The following RALYL variants were observed in gnomAD, a reference collection of about 807,000 sequenced individuals.
RALYL encodes RNA-binding Raly-like protein.
In RALYL, 29 loss-of-function variants were observed where a neutral mutation model predicts 35.1. The ratio of observed to expected loss-of-function variants is 0.83; its 90% CI spans 0.61 to 1.13. RALYL has a LOEUF of 1.13. RALYL is among the 50% of genes most tolerant of loss of function. The pLI, the probability that RALYL is intolerant of heterozygous loss-of-function variation, is 0.00. For synonymous variants in RALYL, 120 were observed against 127.6 expected (o/e 0.94, Z 0.40); for missense variants, 359 against 360.4 (o/e 1.00, Z 0.03).
At chr8:84,520,704 C>A (rs2058392067) in intron 1 of RALYL, among the ~76,000 whole-genome samples, 1 of 152,132 alleles carries the variant, frequency 6.6e-6, no homozygotes. Context: ...AGTGTGAACC[C>A]TATTGTGAAC....
chr8:84,567,870 T>A (rs961571389), intron 2 of RALYL, among the ~76,000 whole-genome samples: 4 of 151,574 alleles, frequency 2.6e-5, no homozygotes, highest in Non-Finnish European at 5.9e-5. Flanking sequence ...CCAACATCTG[T>A]TATTTGTTGA....
At chr8:84,879,879 A>G (rs1375377306) in intron 7 of RALYL, among the ~76,000 whole-genome samples, 2 of 152,054 alleles carry the variant, frequency 1.3e-5, no homozygotes, top group African/African-American at 4.8e-5. Flanking sequence ...TGCCCTGGAC[A>G]CTTACTAAAA....
At chr8:84,823,988 A>G (rs1011892669) in intron 4 of RALYL, among the ~76,000 whole-genome samples, 4 of 152,156 alleles carry the variant, frequency 2.6e-5, no homozygotes, top group African/African-American at 7.2e-5. Flanking sequence ...CTCCCATTCA[A>G]CAAGGTACTA....
intron 2 of RALYL, among the ~76,000 whole-genome samples, chr8:84,693,016 C>G (rs1838375849): frequency 6.6e-6 from 1 of 152,020 alleles, no homozygotes; most frequent in Admixed American, 6.6e-5. Flanking sequence ...AGCCCAACCA[C>G]ACCTTATTTT....
intron 2 of RALYL, among the ~76,000 whole-genome samples, chr8:84,642,251 A>T (rs1460264594): frequency 6.6e-6 from 1 of 152,074 alleles, no homozygotes; most frequent in Admixed American, 6.6e-5. Context: ...TTCTGACAAA[A>T]TTGGAACCTC....
intron 1 of RALYL, among the ~76,000 whole-genome samples, chr8:84,427,423 C>T (rs956873803): frequency 3.9e-5 from 6 of 152,118 alleles, no homozygotes; most frequent in African/African-American, 1.2e-4. Context: ...AGATTGTAAG[C>T]TTGTTCTATT....
chr8:84,900,640 C>T (rs1845522732), intron 8 of RALYL, among the ~76,000 whole-genome samples: 1 of 151,922 alleles, frequency 6.6e-6, no homozygotes, highest in South Asian at 2.1e-4. Context: ...GATTGCACCA[C>T]TGTACTCCAG....
Position 84,278,599 on chromosome 8 carries a change from A to G in RALYL, c.-24+94175A>G, listed in dbSNP as rs1195814170. ...CTTTCTCTTGAAGGCTTTGCCATGT[A>G]GAAATTTCTTCTACCAGATACCCTA... On this transcript the variant is annotated intron_variant, in intron 1 of 8. Coordinates refer to ENST00000521268, the MANE Select transcript of RALYL (RefSeq NM_173848.7). Among the ~76,000 whole-genome samples, 8 of 152,178 alleles carry G rather than the reference A, an allele frequency of 5.3e-5. No individual in the cohort carries two copies. The East Asian group carries it at 1.5e-3, about 29-fold the overall frequency.
At chr8:84,552,938 T>C (rs1262674037) in intron 2 of RALYL, among the ~76,000 whole-genome samples, 2 of 151,948 alleles carry the variant, frequency 1.3e-5, no homozygotes, top group African/African-American at 4.8e-5. Context: ...TTAAAGATCC[T>C]GAGGTAGGGG....
At chr8:84,454,948 G>A (rs2049963125) in intron 1 of RALYL, among the ~76,000 whole-genome samples, 1 of 152,080 alleles carries the variant, frequency 6.6e-6, no homozygotes, top group South Asian at 2.1e-4. Flanking sequence ...TCTTCACACT[G>A]CAGAAAGACT....
chr8:84,298,096 T>A (rs1194628628), intron 1 of RALYL, among the ~76,000 whole-genome samples: 1 of 152,138 alleles, frequency 6.6e-6, no homozygotes, highest in East Asian at 1.9e-4. Flanking sequence ...ATCTTCATCA[T>A]GAAATCTTTG....
intron 1 of RALYL, among the ~76,000 whole-genome samples, chr8:84,231,449 A>G (rs1253195801): frequency 7.2e-5 from 11 of 152,196 alleles, no homozygotes; most frequent in Non-Finnish European, 4.4e-5. Context: ...TGATGACCTT[A>G]TAGTACTGAA....
intron 2 of RALYL, among the ~76,000 whole-genome samples, chr8:84,556,094 T>C (rs2061097179): frequency 6.6e-6 from 1 of 152,168 alleles, no homozygotes; most frequent in Non-Finnish European, 1.5e-5. Flanking sequence ...GTGTGACAAA[T>C]GATAAAACAA....
intron 1 of RALYL, chr8:84,185,109 G>A (rs1812169761): frequency 2.4e-6 from 3 of 1,273,478 alleles, no homozygotes; most frequent in Non-Finnish European, 3.4e-6. Flanking sequence ...GTGTTGCGTT[G>A]GTTTTAAGTG....
intron 2 of RALYL, among the ~76,000 whole-genome samples, chr8:84,762,900 A>G (rs1813035078): frequency 6.6e-6 from 1 of 152,144 alleles, no homozygotes. Flanking sequence ...CATTTTTCAA[A>G]TGTCTTTCCT....
intron 2 of RALYL, among the ~76,000 whole-genome samples, chr8:84,572,409 G>C (rs937487363): frequency 2.0e-5 from 3 of 151,490 alleles, no homozygotes; most frequent in Non-Finnish European, 4.4e-5. Context: ...GTGCTTACCT[G>C]TCCTTTTATG....
In RALYL at chr8:84,887,605, A is replaced by G. The variant is rs1008299146; in HGVS notation, c.687A>G (p.Glu229=). Residue 229 remains glutamate (E), a splice_region_variant and synonymous_variant, in exon 8 of 9, where the codon GAA becomes GAG. Coordinates refer to ENST00000521268, the MANE Select transcript of RALYL (RefSeq NM_173848.7). ...TCATTTGCTTTCTCCCCCCCCCAGA[A>G]GCTCAGAAGAAGCAATTGGAAGAGA... is the stretch of plus-strand genomic sequence containing the variant. The part of the protein sequence containing the change: ...KIEKQQKAEA[E]AQKKQLEESL... The G allele has an allele frequency of 2.5e-6, 4 of 1,596,096 alleles. No individual in the cohort carries two copies. The African/African-American group carries it at 5.4e-5, about 21-fold the overall frequency.
intron 1 of RALYL, among the ~76,000 whole-genome samples, chr8:84,240,760 A>G (rs1019014247): frequency 6.6e-6 from 1 of 152,192 alleles, no homozygotes; most frequent in African/African-American, 2.4e-5. Context: ...AACAGACAGG[A>G]ATAGAAAAGA....
chr8:84,501,230 A>G (rs1401806087), intron 1 of RALYL, among the ~76,000 whole-genome samples: 2 of 152,194 alleles, frequency 1.3e-5, no homozygotes, highest in African/African-American at 4.8e-5. Flanking sequence ...AAGTGCAGCT[A>G]TGTAAATTGT....
Sources: allele counts gnomAD v4.1 joint callset (sites outside exome capture counted in the v4.1 genomes callset), GRCh38; gene constraint gnomAD v4.1.1; transcripts MANE v1.5; gene names NCBI Gene and HGNC (gene_info 2026-07-23, HGNC 2026-07-21).